Variants in CHSY3 observed in about 807,000 individuals in gnomAD.
The protein encoded by CHSY3 is chondroitin sulfate synthase 3.
In CHSY3, 35 loss-of-function variants were observed where a neutral mutation model predicts 67.2. The ratio of observed to expected loss-of-function variants is 0.52; its 90% CI spans 0.40 to 0.69. CHSY3 has a LOEUF of 0.69. CHSY3 is among the 30% of genes least tolerant of loss of function. The pLI is 0.00. For missense variants in CHSY3, 1,069 were observed against 1,138.5 expected (o/e 0.94, Z 0.88); for synonymous variants, 474 against 434.7 (o/e 1.09, Z -1.12).
At chr5:130,063,080 G>T (rs1019753174) in intron 2 of CHSY3, among the ~76,000 whole-genome samples, 3 of 151,860 alleles carry the variant, frequency 2.0e-5, no homozygotes, top group African/African-American at 7.3e-5. Flanking sequence ...ATATTAAATG[G>T]CTATGTCTAT....
intron 2 of CHSY3, among the ~76,000 whole-genome samples, chr5:130,182,820 G>A (rs950390883): frequency 3.3e-5 from 5 of 150,726 alleles, no homozygotes; most frequent in South Asian, 2.1e-4. Context: ...TTCTTCCTAC[G>A]TTTTTCACAA....
At chr5:129,934,467 G>T (rs1761424954) in intron 2 of CHSY3, among the ~76,000 whole-genome samples, 1 of 152,090 alleles carries the variant, frequency 6.6e-6, no homozygotes, top group African/African-American at 2.4e-5. Flanking sequence ...AAATATAGAA[G>T]AAATCATTTG....
At chr5:130,015,975 T>C (rs1764208676) in intron 2 of CHSY3, among the ~76,000 whole-genome samples, 1 of 152,194 alleles carries the variant, frequency 6.6e-6, no homozygotes, top group Non-Finnish European at 1.5e-5. Flanking sequence ...AGTGAATTAA[T>C]GCAGGAACAG....
intron 2 of CHSY3, among the ~76,000 whole-genome samples, chr5:130,144,316 G>T (rs1294650502): frequency 2.6e-5 from 4 of 151,846 alleles, no homozygotes; most frequent in Admixed American, 2.6e-4. Flanking sequence ...ACAAATATAT[G>T]GTTATTTGCT....
intron 2 of CHSY3, among the ~76,000 whole-genome samples, chr5:130,024,982 C>G (rs1263019220): frequency 1.3e-5 from 2 of 152,050 alleles, no homozygotes; most frequent in Non-Finnish European, 2.9e-5. Context: ...TTTATTGATT[C>G]AGCAAATGTT....
At chr5:129,992,105 T>C (rs958611302) in intron 2 of CHSY3, among the ~76,000 whole-genome samples, 1 of 152,202 alleles carries the variant, frequency 6.6e-6, no homozygotes, top group African/African-American at 2.4e-5. Context: ...TTCTGGGAAC[T>C]TCTTCAGCAG....
At position 130,184,850 on chromosome 5, in the gene CHSY3, C is replaced by A. The variant is rs763279869; in HGVS notation, c.1708C>A (p.Pro570Thr). 2 of 1,606,612 alleles carry A rather than the reference C, an allele frequency of 1.2e-6. No homozygotes were observed. Among genetic ancestry groups the A allele is most frequent in the Non-Finnish European group, 1.7e-6 (2 of 1,173,200 alleles). ...CTATCTTCAGCAGTTGTTCAGCAAG[C>A]CTTTCTTCAGAGAGACCGAAGAGCT... is the stretch of plus-strand genomic sequence containing the variant. ...HAYLQQLFSK[P>T]FFRETEELDV... The change falls in exon 3 of 3, where the codon CCT becomes ACT. Residue 570 changes from proline to threonine, a missense_variant. By Grantham distance (38) the Pro-to-Thr change is conservative. Around this residue, in one of 5 missense-constraint regions of CHSY3, gnomAD observed 401 missense variants for 395.2 expected, o/e 1.01. Coordinates refer to ENST00000305031, the MANE Select transcript of CHSY3 (RefSeq NM_175856.5).
At chr5:130,175,179 T>G (rs1283743251) in intron 2 of CHSY3, among the ~76,000 whole-genome samples, 1 of 152,108 alleles carries the variant, frequency 6.6e-6, no homozygotes, top group Non-Finnish European at 1.5e-5. Flanking sequence ...AAAATCAATG[T>G]GCAAAAATCA....
chr5:129,932,692 G>A (rs904230027), intron 2 of CHSY3, among the ~76,000 whole-genome samples: 12 of 151,948 alleles, frequency 7.9e-5, no homozygotes, highest in Non-Finnish European at 1.3e-4. Context: ...TTCCCAGAAA[G>A]TTCTTATGCT....
At chr5:130,150,157 TGA>T (rs1249356917) in intron 2 of CHSY3, among the ~76,000 whole-genome samples, 1 of 152,116 alleles carries the variant, frequency 6.6e-6, no homozygotes, top group Non-Finnish European at 1.5e-5. Flanking sequence ...TGACTACTAG[TGA>T]GAGAGACAAA....
chr5:130,030,142 G>T (rs949845000), intron 2 of CHSY3, among the ~76,000 whole-genome samples: 16 of 151,558 alleles, frequency 1.1e-4, no homozygotes, highest in African/African-American at 3.4e-4. Flanking sequence ...TTATTATTTT[G>T]TCTATATTTA....
intron 2 of CHSY3, among the ~76,000 whole-genome samples, chr5:129,999,006 GT>G (rs1763635998): frequency 6.6e-6 from 1 of 151,710 alleles, no homozygotes; most frequent in African/African-American, 2.4e-5. Context: ...CCAAGATTAG[GT>G]TAAATATTGT....
At chr5:129,934,786 T>A (rs1254040169) in intron 2 of CHSY3, among the ~76,000 whole-genome samples, 1 of 152,150 alleles carries the variant, frequency 6.6e-6, no homozygotes, top group Non-Finnish European at 1.5e-5. Flanking sequence ...TGAATAAGAT[T>A]TGGGAAAAGA....
At chr5:130,148,594 G>A (rs1045863092) in intron 2 of CHSY3, among the ~76,000 whole-genome samples, 1 of 152,144 alleles carries the variant, frequency 6.6e-6, no homozygotes, top group Admixed American at 6.5e-5. Flanking sequence ...CATTCTGACT[G>A]GTATGAGATG....
At chr5:129,994,683 G>T (rs1437326831) in intron 2 of CHSY3, among the ~76,000 whole-genome samples, 1 of 152,120 alleles carries the variant, frequency 6.6e-6, no homozygotes, top group African/African-American at 2.4e-5. Flanking sequence ...TTAAGAAAAT[G>T]TGGCACATAT....
intron 2 of CHSY3, among the ~76,000 whole-genome samples, chr5:129,953,783 A>G (rs904855474): frequency 2.0e-5 from 3 of 152,132 alleles, no homozygotes; most frequent in African/African-American, 7.2e-5. Context: ...TCTTCTTTTG[A>G]GAAGTGTCTG....
At chr5:130,033,512 TA>T (rs1434011312) in intron 2 of CHSY3, among the ~76,000 whole-genome samples, 1 of 152,192 alleles carries the variant, frequency 6.6e-6, no homozygotes, top group Non-Finnish European at 1.5e-5. Context: ...CATTGAATTA[TA>T]AAAATATTGG....
chr5:130,137,183 G>A (rs1389447573), intron 2 of CHSY3, among the ~76,000 whole-genome samples: 2 of 152,126 alleles, frequency 1.3e-5, no homozygotes, highest in Non-Finnish European at 2.9e-5. Context: ...TAGATGTTTT[G>A]TAGGTTCTGT....
chr5:130,159,493 A>G (rs1257545874), intron 2 of CHSY3, among the ~76,000 whole-genome samples: 1 of 152,176 alleles, frequency 6.6e-6, no homozygotes, highest in Non-Finnish European at 1.5e-5. Flanking sequence ...TTTTAAAAGC[A>G]TGTTTTATGT....
Sources: gnomAD v4.1 joint callset for allele counts (sites outside exome capture counted in the v4.1 genomes callset) on GRCh38, gnomAD v4.1.1 for gene constraint, gnomAD v4.1.1 regional missense constraint, MANE v1.5 for transcripts, NCBI Gene and HGNC (gene_info 2026-07-23, HGNC 2026-07-21) for gene names.